RORA: variants seen among roughly 807,000 people sequenced by gnomAD.
RORA encodes RAR related orphan receptor A.
Under a neutral mutation model 69.5 loss-of-function variants are expected in RORA, and 7 were observed. That is an observed-to-expected ratio of 0.10 (90% CI 0.06 to 0.19). RORA has a LOEUF of 0.19. RORA is among the 10% of genes least tolerant of loss of function. The probability of loss-of-function intolerance (pLI) is 1.00; values close to 1 mark genes in which losing one functional copy is unlikely to be tolerated. For synonymous variants in RORA, 261 were observed against 240.8 expected, an observed-to-expected ratio of 1.08 and a Z score of -0.78; for missense variants, 457 against 663.0, an observed-to-expected ratio of 0.69 and a Z score of 3.41.
intron 1 of RORA, among the ~76,000 whole-genome samples, chr15:60,779,307 G>C (rs191506396): frequency 6.6e-6 from 1 of 152,098 alleles, no homozygotes; most frequent in African/African-American, 2.4e-5. Context: ...TGCATCCTCA[G>C]TTTTCTGGCC....
rs531004934 is a variant in RORA at position 61,158,637 on chromosome 15, G to A, written c.166+70416C>T. On this transcript the variant is annotated intron_variant, in intron 1 of 10. Transcript: ENST00000335670. The stretch of plus-strand genomic sequence containing the variant: ...ATTTACTGCTCATCCGCTCCCCCGA[G>A]GTAAGTACTATTATTTCCCTCAGTT... Among the ~76,000 whole-genome samples, 13 of 152,246 alleles carry A rather than the reference G, an allele frequency of 8.5e-5. No homozygotes were observed. In the South Asian group the frequency reaches 1.0e-3, roughly 12 times the overall value.
At chr15:61,176,840 G>C (rs544071001) in intron 1 of RORA, among the ~76,000 whole-genome samples, 1 of 152,020 alleles carries the variant, frequency 6.6e-6, no homozygotes, top group Non-Finnish European at 1.5e-5. Flanking sequence ...TTAAAATTAC[G>C]GCATTTATAC....
At chr15:61,005,397 T>C (rs1408625685) in intron 1 of RORA, among the ~76,000 whole-genome samples, 1 of 152,156 alleles carries the variant, frequency 6.6e-6, no homozygotes, top group Non-Finnish European at 1.5e-5. Flanking sequence ...GGAGAATTGC[T>C]TGAACCTGGA....
At chr15:60,828,456 A>G (rs559061316) in intron 1 of RORA, among the ~76,000 whole-genome samples, 2 of 152,268 alleles carry the variant, frequency 1.3e-5, no homozygotes, top group South Asian at 2.1e-4. Flanking sequence ...AGTGCACGTA[A>G]AGTCTGGATT....
chr15:60,869,624 T>C (rs2073530594), intron 1 of RORA, among the ~76,000 whole-genome samples: 1 of 152,218 alleles, frequency 6.6e-6, no homozygotes, highest in Non-Finnish European at 1.5e-5. Flanking sequence ...ATAACAGGTA[T>C]TATAAACATT....
intron 2 of RORA, among the ~76,000 whole-genome samples, chr15:60,579,669 CT>C (rs2068134798): frequency 6.6e-6 from 1 of 152,202 alleles, no homozygotes; most frequent in Non-Finnish European, 1.5e-5. Flanking sequence ...AGTCCCAACT[CT>C]TTCCCAAACC....
intron 1 of RORA, among the ~76,000 whole-genome samples, chr15:61,101,391 G>C (rs1011713616): frequency 6.6e-6 from 1 of 152,098 alleles, no homozygotes; most frequent in Non-Finnish European, 1.5e-5. Context: ...GATCAGTAGG[G>C]GTCAGCTGTG....
intron 1 of RORA, among the ~76,000 whole-genome samples, chr15:60,733,918 G>GAGAA (rs2140840471): frequency 9.1e-6 from 1 of 109,622 alleles, no homozygotes; most frequent in Admixed American, 8.7e-5. Context: ...TAGGGGCAGA[G>GAGAA]AGAGAGAGAG....
chr15:60,664,901 A>G (rs1596108024), intron 2 of RORA, among the ~76,000 whole-genome samples: 1 of 152,236 alleles, frequency 6.6e-6, no homozygotes, highest in African/African-American at 2.4e-5. Flanking sequence ...AGTTACAAAC[A>G]AAAGTAGGGA....
At chr15:60,577,631 G>A (rs1251594176) in intron 2 of RORA, among the ~76,000 whole-genome samples, 2 of 134,748 alleles carry the variant, frequency 1.5e-5, no homozygotes, top group Admixed American at 7.6e-5. Flanking sequence ...GTGACAGAGT[G>A]AGACTCTGTT....
chr15:60,929,226 A>G (rs1892304517), intron 1 of RORA, among the ~76,000 whole-genome samples: 1 of 152,168 alleles, frequency 6.6e-6, no homozygotes, highest in African/African-American at 2.4e-5. Flanking sequence ...GCTCATTCAC[A>G]GTCTGGTGCA....
chr15:60,996,071 G>GT lies in RORA; in HGVS notation c.166+232981dup, dbSNP rs35698487. On this transcript the variant is annotated intron_variant, in intron 1 of 10. Coordinates refer to ENST00000335670, the MANE Select transcript of RORA (RefSeq NM_134261.3). ...GGAAATGATCTAGATCTTGTTTTTTGTTTTTTTTTTTTTTTTTGAGATGGA... is the reference window on the plus strand; with the variant it reads ...GGAAATGATCTAGATCTTGTTTTTTGTTTTTTTTTTTTTTTTTTGAGATGGA... Among the ~76,000 whole-genome samples, 982 of 135,268 alleles carry GT rather than the reference G, an allele frequency of 7.3e-3. 28 individuals are homozygous for GT. The South Asian group carries it at 0.075, about 10-fold the overall frequency. The allele number at this position is 135,268 out of a possible 152,430, so 88.7% of individuals were successfully genotyped here.
intron 1 of RORA, among the ~76,000 whole-genome samples, chr15:60,747,636 C>T (rs572679859): frequency 2.4e-4 from 36 of 152,200 alleles, no homozygotes; most frequent in African/African-American, 8.4e-4. Flanking sequence ...CCCATGTGGA[C>T]CACAAGAATG....
chr15:60,970,238 A>G (rs1396489333), intron 1 of RORA, among the ~76,000 whole-genome samples: 1 of 152,206 alleles, frequency 6.6e-6, no homozygotes. Context: ...TAATGGTCCT[A>G]TCTCATGGAG....
At chr15:60,674,282 T>C (rs2070519845) in intron 2 of RORA, among the ~76,000 whole-genome samples, 1 of 152,172 alleles carries the variant, frequency 6.6e-6, no homozygotes, top group South Asian at 2.1e-4. Flanking sequence ...TAAAAAAGTA[T>C]GGCCTCAAGG....
intron 2 of RORA, among the ~76,000 whole-genome samples, chr15:60,585,956 G>A (rs934064675): frequency 1.3e-5 from 2 of 152,146 alleles, no homozygotes; most frequent in Admixed American, 6.5e-5. Context: ...GGGTTTAGCC[G>A]TCCATGTGCA....
At chr15:60,629,839 G>A (rs1259570577) in intron 2 of RORA, among the ~76,000 whole-genome samples, 1 of 152,206 alleles carries the variant, frequency 6.6e-6, no homozygotes, top group Non-Finnish European at 1.5e-5. Context: ...TGAGGTCAAG[G>A]GAGGGGCAAG....
chr15:60,619,522 A>G (rs1432401331), intron 2 of RORA, among the ~76,000 whole-genome samples: 1 of 152,224 alleles, frequency 6.6e-6, no homozygotes, highest in Non-Finnish European at 1.5e-5. Context: ...ATTTTATTGC[A>G]TAAGAATATC....
intron 2 of RORA, among the ~76,000 whole-genome samples, chr15:60,563,671 C>T (rs191182549): frequency 6.6e-6 from 1 of 152,164 alleles, no homozygotes; most frequent in Non-Finnish European, 1.5e-5. Flanking sequence ...AACAGCAGCT[C>T]TTATTGTTGT....
Sources: allele counts gnomAD v4.1 joint callset (sites outside exome capture counted in the v4.1 genomes callset), GRCh38; gene constraint gnomAD v4.1.1; transcripts MANE v1.5; gene names NCBI Gene and HGNC (gene_info 2026-07-23, HGNC 2026-07-21).